Variants in GPR39 observed in about 807,000 individuals in gnomAD.
GPR39 encodes zinc sensing receptor.
In GPR39, 23 loss-of-function variants were observed where a neutral mutation model predicts 18.4. That is an observed-to-expected ratio of 1.25 (90% CI 0.90 to 1.77). The LOEUF is 1.77. Among genes scored for constraint, GPR39 ranks in the 40% most tolerant of loss-of-function variants. The pLI is 0.00. For synonymous variants in GPR39, 280 were observed against 257.9 expected (o/e 1.09, Z -0.82); for missense variants, 647 against 602.4 (o/e 1.07, Z -0.78).
At chr2:132,572,320 A>G (rs535295491) in intron 1 of GPR39, among the ~76,000 whole-genome samples, 311 of 152,190 alleles carry the variant, frequency 2.0e-3, no homozygotes, top group Non-Finnish European at 3.9e-3. Context: ...TCAGCCCCCT[A>G]GTAATCATGA....
At chr2:132,492,765 A>ATATACACAC (rs1387264993) in intron 1 of GPR39, among the ~76,000 whole-genome samples, 2 of 96,642 alleles carry the variant, frequency 2.1e-5, no homozygotes, top group Non-Finnish European at 4.2e-5. Context: ...CCATATATAT[A>ATATACACAC]CATTCCATAT....
intron 1 of GPR39, among the ~76,000 whole-genome samples, chr2:132,508,918 A>T (rs2104756636): frequency 6.6e-6 from 1 of 152,292 alleles, no homozygotes; most frequent in East Asian, 1.9e-4. Context: ...TAGGGTACAG[A>T]ACTCTGGGTG....
intron 1 of GPR39, among the ~76,000 whole-genome samples, chr2:132,421,445 A>G (rs1246786453): frequency 7.0e-6 from 1 of 143,734 alleles, no homozygotes; most frequent in African/African-American, 2.6e-5. Flanking sequence ...TTATGAAAAA[A>G]GATTTTACAG....
intron 1 of GPR39, among the ~76,000 whole-genome samples, chr2:132,602,743 C>A (rs1268913611): frequency 1.3e-5 from 2 of 150,664 alleles, no homozygotes; most frequent in Admixed American, 1.3e-4. Flanking sequence ...ATAGACATTT[C>A]TCTAAAAAAA....
rs1573719527 is a variant in GPR39, at chr2:132,645,595, C to A, written c.1351C>A (p.His451Asn). ...TGCTGCAGAGAATGGTTTTCAGGAG[C>A]ATGAAGTTTGAATGTCAAGCGAGGG... Reference protein sequence around the residue: ...NSAAENGFQEHEV With the variant: ...NSAAENGFQENEV The change falls in exon 2 of 2, where the codon CAT becomes AAT. Residue 451 changes from histidine (H) to asparagine (N), a missense_variant. By Grantham distance (68) the His-to-Asn change is moderately conservative. Coordinates refer to ENST00000329321, the MANE Select transcript of GPR39 (RefSeq NM_001508.3). 6.2e-7 allele frequency: 1 copy of A among 1,610,454 alleles called. No homozygotes were observed. The highest frequency in any genetic ancestry group is 1.1e-5 in the South Asian group (1 of 90,652).
intron 1 of GPR39, among the ~76,000 whole-genome samples, chr2:132,434,436 C>T (rs1420674150): frequency 6.6e-6 from 1 of 152,148 alleles, no homozygotes; most frequent in African/African-American, 2.4e-5. Context: ...AGGTACCTTA[C>T]CAGTAAGGAA....
intron 1 of GPR39, among the ~76,000 whole-genome samples, chr2:132,547,427 A>G (rs1006233840): frequency 2.6e-5 from 4 of 152,116 alleles, no homozygotes; most frequent in African/African-American, 7.2e-5. Flanking sequence ...GGACTGTCAC[A>G]CCCACCATTT....
At chr2:132,555,712 G>A (rs888890876) in intron 1 of GPR39, among the ~76,000 whole-genome samples, 11 of 152,076 alleles carry the variant, frequency 7.2e-5, no homozygotes, top group Non-Finnish European at 1.0e-4. Context: ...AAATAAAGGC[G>A]TGAATACCAG....
chr2:132,477,177 G>T (rs1195997650), intron 1 of GPR39, among the ~76,000 whole-genome samples: 1 of 152,180 alleles, frequency 6.6e-6, no homozygotes, highest in Admixed American at 6.5e-5. Context: ...TTGAAAAATT[G>T]TATGTGCTGT....
At chr2:132,483,303 G>C (rs1167822707) in intron 1 of GPR39, among the ~76,000 whole-genome samples, 1 of 152,204 alleles carries the variant, frequency 6.6e-6, no homozygotes, top group Non-Finnish European at 1.5e-5. Context: ...AGTTGGAACA[G>C]CCAAGGTACA....
intron 1 of GPR39, among the ~76,000 whole-genome samples, chr2:132,552,973 G>A (rs998701023): frequency 1.3e-5 from 2 of 148,918 alleles, no homozygotes; most frequent in African/African-American, 2.5e-5. Flanking sequence ...GTCTCACTCT[G>A]TTGCCCAGGC....
intron 1 of GPR39, among the ~76,000 whole-genome samples, chr2:132,419,884 G>C (rs1415520841): frequency 6.6e-6 from 1 of 152,090 alleles, no homozygotes; most frequent in African/African-American, 2.4e-5. Flanking sequence ...TTGATTTATC[G>C]TTACTCTATT....
intron 1 of GPR39, among the ~76,000 whole-genome samples, chr2:132,563,149 A>G (rs1573669149): frequency 6.6e-6 from 1 of 152,182 alleles, no homozygotes; most frequent in African/African-American, 2.4e-5. Context: ...AGTGTAGTTC[A>G]TAGGATCGCA....
rs182521922 is a variant in GPR39, at chr2:132,554,203, C to T, written c.857-90898C>T. Among the ~76,000 whole-genome samples, 127 of 152,258 alleles carry T rather than the reference C, an allele frequency of 8.3e-4. 2 individuals are homozygous for T. The highest frequency in any genetic ancestry group is 2.3e-3 in the South Asian group (11 of 4,830). Reference sequence around the variant, plus strand: ...CGTGGTGGCCTTCAGAGAAGAGAACCGATGGCTGGCTAGAGAGCCTGGCTT... The same window carrying T: ...CGTGGTGGCCTTCAGAGAAGAGAACTGATGGCTGGCTAGAGAGCCTGGCTT... On this transcript the variant is annotated intron_variant, in intron 1 of 1. Coordinates refer to ENST00000329321, the MANE Select transcript of GPR39 (RefSeq NM_001508.3).
intron 1 of GPR39, among the ~76,000 whole-genome samples, chr2:132,608,429 C>T (rs889864953): frequency 6.6e-6 from 1 of 152,160 alleles, no homozygotes; most frequent in African/African-American, 2.4e-5. Flanking sequence ...TGTGTCAGCT[C>T]CTTGCTGTCG....
At chr2:132,494,367 C>T (rs1204341277) in intron 1 of GPR39, among the ~76,000 whole-genome samples, 2 of 152,130 alleles carry the variant, frequency 1.3e-5, no homozygotes, top group Admixed American at 1.3e-4. Flanking sequence ...CAGTAAAATC[C>T]AGGGTCCATG....
intron 1 of GPR39, among the ~76,000 whole-genome samples, chr2:132,419,261 G>GC (rs779640444): frequency 2.0e-5 from 3 of 152,194 alleles, no homozygotes; most frequent in Non-Finnish European, 4.4e-5. Flanking sequence ...ATGCTACTCT[G>GC]CATTAGGGGC....
chr2:132,609,294 G>A (rs1681199188), intron 1 of GPR39, among the ~76,000 whole-genome samples: 2 of 152,188 alleles, frequency 1.3e-5, no homozygotes, highest in Non-Finnish European at 2.9e-5. Context: ...TTTTCTTAGA[G>A]TGCTCAGAGG....
chr2:132,625,902 C>A (rs2104864524), intron 1 of GPR39, among the ~76,000 whole-genome samples: 1 of 152,210 alleles, frequency 6.6e-6, no homozygotes, highest in Admixed American at 6.5e-5. Flanking sequence ...GAGATCGAGA[C>A]CATCCTGGCT....
Sources: allele counts gnomAD v4.1 joint callset (sites outside exome capture counted in the v4.1 genomes callset), GRCh38; gene constraint gnomAD v4.1.1; transcripts MANE v1.5; gene names NCBI Gene and HGNC (gene_info 2026-07-23, HGNC 2026-07-21).